Variants in CADM2 observed in about 807,000 individuals in gnomAD.
The protein encoded by CADM2 is cell adhesion molecule 2.
In CADM2, 12 loss-of-function variants were observed where a neutral mutation model predicts 49.8. That is an observed-to-expected ratio of 0.24 (90% confidence interval 0.15 to 0.39). The LOEUF is 0.39. Among genes scored for constraint, CADM2 ranks in the 10% least tolerant of loss-of-function variants. CADM2 has a pLI of 1.00. For missense variants in CADM2, 378 were observed against 492.3 expected (o/e 0.77, Z 2.20); for synonymous variants, 214 against 175.4 (o/e 1.22, Z -1.74).
chr3:85,450,695 G>A (rs1576579332), intron 1 of CADM2, among the ~76,000 whole-genome samples: 1 of 141,438 alleles, frequency 7.1e-6, no homozygotes, highest in Admixed American at 7.1e-5. Context: ...AAGATTCACT[G>A]ACATCTTTAA....
chr3:85,019,179 C>A (rs1195995281), intron 1 of CADM2, among the ~76,000 whole-genome samples: 1 of 152,118 alleles, frequency 6.6e-6, no homozygotes, highest in Non-Finnish European at 1.5e-5. Context: ...GTAATGTTCC[C>A]AGTTTTGGCA....
At chr3:85,020,745 G>GGTGT (rs5850659) in intron 1 of CADM2, among the ~76,000 whole-genome samples, 2 of 150,134 alleles carry the variant, frequency 1.3e-5, no homozygotes, top group Non-Finnish European at 3.0e-5. Context: ...GTATGTGTAC[G>GGTGT]GTGTGTGTGT....
chr3:85,374,535 C>A (rs2033472161), intron 1 of CADM2, among the ~76,000 whole-genome samples: 1 of 152,158 alleles, frequency 6.6e-6, no homozygotes, highest in African/African-American at 2.4e-5. Flanking sequence ...ATCATAATGG[C>A]AGTACCCCAT....
At chr3:85,854,905 C>A (rs1178142198) in intron 3 of CADM2, among the ~76,000 whole-genome samples, 1 of 152,148 alleles carries the variant, frequency 6.6e-6, no homozygotes. Flanking sequence ...ACCTTAGTAA[C>A]TCTCCACATT....
chr3:84,959,472 A>G lies in CADM2; in HGVS notation c.-136A>G. The G allele has an allele frequency of 1.2e-6, 1 of 805,160 alleles. No homozygotes were observed. Among genetic ancestry groups the G allele is most frequent in the South Asian group, 1.7e-5 (1 of 58,054 alleles). The allele number at this position is 805,160 out of a possible 1,614,324, so 49.9% of individuals were successfully genotyped here. On this transcript the variant is annotated 5_prime_UTR_variant, in exon 1 of 10. Transcript: ENST00000383699. ...CCGCCGATCCGAGTCCGCGGGTTCG[A>G]ACACCGCAGCGGTGGGGACGGTGGG...
chr3:85,784,249 G>T (rs994968016), intron 2 of CADM2, among the ~76,000 whole-genome samples: 1 of 152,104 alleles, frequency 6.6e-6, no homozygotes, highest in Non-Finnish European at 1.5e-5. Flanking sequence ...AGCTTCCGAT[G>T]ATTTATTTAT....
chr3:85,809,786 CTCTCTCTTTCTT>C (rs1303474156), intron 3 of CADM2, among the ~76,000 whole-genome samples: 1 of 82,230 alleles, frequency 1.2e-5, no homozygotes, highest in Non-Finnish European at 2.4e-5. Flanking sequence ...CTCTCTCTCT[CTCTCTCTTTCTT>C]TCTTTCTTTC....
chr3:85,547,985 G>A (rs2326319), intron 1 of CADM2, among the ~76,000 whole-genome samples: 90,080 of 151,642 alleles, frequency 0.59, 28,242 homozygotes, highest in East Asian at 0.93. Context: ...CAATATGGAA[G>A]TTAACATATA....
chr3:85,287,796 C>T (rs2043671119), intron 1 of CADM2, among the ~76,000 whole-genome samples: 1 of 151,962 alleles, frequency 6.6e-6, no homozygotes, highest in South Asian at 2.1e-4. Context: ...CTATCACTGG[C>T]ACAAGAGTCA....
intron 1 of CADM2, among the ~76,000 whole-genome samples, chr3:85,518,509 T>A (rs2060955403): frequency 6.6e-6 from 1 of 152,104 alleles, no homozygotes; most frequent in Non-Finnish European, 1.5e-5. Context: ...AACCACATCT[T>A]ATTGTTTATA....
chr3:85,451,816 T>A (rs1217309905), intron 1 of CADM2, among the ~76,000 whole-genome samples: 3 of 152,098 alleles, frequency 2.0e-5, no homozygotes, highest in Non-Finnish European at 2.9e-5. Context: ...ACAATAACAG[T>A]GGTCAGCAAT....
At chr3:85,922,898 T>C (rs1334600099) in intron 6 of CADM2, among the ~76,000 whole-genome samples, 1 of 151,746 alleles carries the variant, frequency 6.6e-6, no homozygotes, top group Non-Finnish European at 1.5e-5. Flanking sequence ...CTTGGCTCAC[T>C]GCAACCTCCG....
intron 1 of CADM2, among the ~76,000 whole-genome samples, chr3:85,236,455 T>C (rs578117892): frequency 6.6e-6 from 1 of 152,188 alleles, no homozygotes; most frequent in East Asian, 1.9e-4. Context: ...ATACTTGATA[T>C]GATTTCAATT....
At chr3:85,554,291 G>A (rs952500481) in intron 1 of CADM2, among the ~76,000 whole-genome samples, 1 of 152,134 alleles carries the variant, frequency 6.6e-6, no homozygotes, top group African/African-American at 2.4e-5. Context: ...ATCTAATGCC[G>A]CCCCTGAATC....
At chr3:85,394,724 C>A (rs955391760) in intron 1 of CADM2, among the ~76,000 whole-genome samples, 2 of 152,116 alleles carry the variant, frequency 1.3e-5, no homozygotes, top group Non-Finnish European at 2.9e-5. Context: ...TTTATCAGAT[C>A]ATTCTTTATA....
chr3:85,134,336 C>T (rs1419899138), intron 1 of CADM2, among the ~76,000 whole-genome samples: 2 of 152,222 alleles, frequency 1.3e-5, no homozygotes, highest in Non-Finnish European at 2.9e-5. Context: ...CGAAGGGCCC[C>T]TCAAGTGCCG....
At chr3:85,348,269 T>C (rs763390871) in intron 1 of CADM2, among the ~76,000 whole-genome samples, 25 of 152,156 alleles carry the variant, frequency 1.6e-4, no homozygotes, top group Non-Finnish European at 2.9e-4. Context: ...ATGCTTATGT[T>C]CTTTTAAGGC....
chr3:86,014,963 G>C, intron 8 of CADM2: 1 of 1,385,460 alleles, frequency 7.2e-7, no homozygotes, highest in East Asian at 2.3e-5. Flanking sequence ...CATATTTAAG[G>C]AACACTTTGA....
chr3:84,981,397 A>AG (rs990627393), intron 1 of CADM2, among the ~76,000 whole-genome samples: 5 of 152,050 alleles, frequency 3.3e-5, no homozygotes, highest in African/African-American at 1.2e-4. Flanking sequence ...CAGAGAAAGG[A>AG]GGGGCACAGA....
Sources: allele counts gnomAD v4.1 joint callset (sites outside exome capture counted in the v4.1 genomes callset), GRCh38; gene constraint gnomAD v4.1.1; transcripts MANE v1.5; gene names NCBI Gene and HGNC (gene_info 2026-07-23, HGNC 2026-07-21).